The following CX3CR1 variants were observed in gnomAD, a reference collection of about 807,000 sequenced individuals.
CX3CR1 encodes C-X3-C motif chemokine receptor 1.
For synonymous variants in CX3CR1, 168 were observed against 178.5 expected (o/e 0.94, Z 0.47); for missense variants, 363 against 432.4 (o/e 0.84, Z 1.42).
intron 1 of CX3CR1, among the ~76,000 whole-genome samples, chr3:39,269,892 T>C (rs1245914352): frequency 1.6e-4 from 25 of 152,242 alleles, no homozygotes; most frequent in Admixed American, 1.6e-3. Flanking sequence ...GCAGTACCAA[T>C]ATCGCTTTCT....
intron 1 of CX3CR1, among the ~76,000 whole-genome samples, chr3:39,276,778 T>C (rs6784065): frequency 2.0e-3 from 307 of 152,306 alleles, no homozygotes; most frequent in African/African-American, 6.8e-3. Context: ...TGAATCCAAA[T>C]ATGAAGATCA....
chr3:39,290,544 A>G, the CX3CR1 span, among the ~76,000 whole-genome samples: 1 of 152,214 alleles, frequency 6.6e-6, no homozygotes, highest in African/African-American at 2.4e-5. Flanking sequence ...TTCATTCACT[A>G]TGCCAAAGGG....
intron 1 of CX3CR1, among the ~76,000 whole-genome samples, chr3:39,267,306 C>G (rs1177937903): frequency 6.6e-6 from 1 of 152,118 alleles, no homozygotes; most frequent in Non-Finnish European, 1.5e-5. Context: ...TTGTTTCCAC[C>G]TTTTCCACCC....
chr3:39,266,887 G>T (rs534336482), intron 1 of CX3CR1, among the ~76,000 whole-genome samples: 1 of 152,112 alleles, frequency 6.6e-6, no homozygotes, highest in African/African-American at 2.4e-5. Context: ...GGGTTCAAGC[G>T]ATTCTCCTGC....
the CX3CR1 span, among the ~76,000 whole-genome samples, chr3:39,291,029 A>G: frequency 0.017 from 2,582 of 152,112 alleles, 67 homozygotes; most frequent in African/African-American, 0.058. Context: ...CATTTGCTGA[A>G]CACCAGATGA....
At chr3:39,290,374 G>A in the CX3CR1 span, among the ~76,000 whole-genome samples, 3 of 152,190 alleles carry the variant, frequency 2.0e-5, no homozygotes, top group African/African-American at 7.2e-5. Context: ...GTTGTGGAGT[G>A]GTCTTCTTTG....
At position 39,265,630 on chromosome 3, in the gene CX3CR1, C is replaced by T. The variant is rs757876307; in HGVS notation, c.880G>A (p.Ala294Thr). 3.1e-6 allele frequency: 5 copies of T among 1,614,186 alleles called. No individual in the cohort carries two copies. Among genetic ancestry groups the T allele is most frequent in the Non-Finnish European group, 3.4e-6 (4 of 1,180,034 alleles). Reference sequence around the variant, plus strand: ...CTTCTGAACTTCTCCCCAGCAAATGCATAGATGAGAGGATTCAGGCAACAA... The same window carrying T: ...CTTCTGAACTTCTCCCCAGCAAATGTATAGATGAGAGGATTCAGGCAACAA... ...SHCCLNPLIY[A>T]FAGEKFRRYL... The change falls in exon 2 of 2, where the codon GCA (alanine) becomes ACA (threonine). Residue 294 changes from alanine to threonine, a missense_variant. Physicochemically the swap from Ala to Thr is moderately conservative, Grantham distance 58. Coordinates refer to ENST00000399220, the MANE Select transcript of CX3CR1 (RefSeq NM_001337.4).
chr3:39,265,514 G>T lies in CX3CR1; in HGVS notation c.996C>A (p.Ser332Arg), dbSNP rs1339964279. The stretch of plus-strand genomic sequence containing the variant: ...TGCTGCTCAGAACACTTCCATGCCT[G>T]CTCCTTTGTGATTCAGATGAGGAGA... ...VDFSSSESQR[S>R]RHGSVLSSNF... Residue 332 changes from serine (S) to arginine (R), a missense_variant, in exon 2 of 2, where the codon AGC (serine) becomes AGA (arginine). Transcript: ENST00000399220. The T allele has an allele frequency of 6.2e-7, 1 of 1,614,120 alleles. No homozygotes were observed.
the CX3CR1 span, among the ~76,000 whole-genome samples, chr3:39,292,031 C>T: frequency 4.6e-5 from 7 of 152,198 alleles, no homozygotes; most frequent in Non-Finnish European, 8.8e-5. Flanking sequence ...AGGGGCGCCC[C>T]CTTGTGGTAA....
chr3:39,283,266 G>A (rs1452374017), upstream of CX3CR1, among the ~76,000 whole-genome samples: 1 of 152,116 alleles, frequency 6.6e-6, no homozygotes, highest in African/African-American at 2.4e-5. Context: ...ACTTGTACAA[G>A]ACCACACAGC....
At chr3:39,272,450 T>C (rs1182806556) in intron 1 of CX3CR1, among the ~76,000 whole-genome samples, 2 of 152,140 alleles carry the variant, frequency 1.3e-5, no homozygotes, top group Non-Finnish European at 2.9e-5. Context: ...TTTTTTAACT[T>C]TTTAGGGGAG....
At chr3:39,284,818 A>G (rs1161294853), upstream of CX3CR1, among the ~76,000 whole-genome samples, 1 of 152,208 alleles carries the variant, frequency 6.6e-6, no homozygotes, top group Non-Finnish European at 1.5e-5. Flanking sequence ...AGATGCAGGC[A>G]GGGAACAGCA....
intron 1 of CX3CR1, among the ~76,000 whole-genome samples, chr3:39,277,060 C>CAAA (rs2040847927): frequency 6.6e-6 from 1 of 152,138 alleles, no homozygotes; most frequent in South Asian, 2.1e-4. Context: ...CAAAATACAA[C>CAAA]ACACTGAAAA....
At chr3:39,271,968 T>A (rs926376228) in intron 1 of CX3CR1, among the ~76,000 whole-genome samples, 1 of 152,128 alleles carries the variant, frequency 6.6e-6, no homozygotes, top group East Asian at 1.9e-4. Context: ...GCCCTCAGGG[T>A]GGTCAAAGGC....
At chr3:39,281,496 C>T (rs2040898915), upstream of CX3CR1, 6 of 946,830 alleles carry the variant, frequency 6.3e-6, no homozygotes, top group Admixed American at 1.3e-4. Context: ...CACCCCACAT[C>T]AGTAATCCCC....
chr3:39,281,730 C>T (rs146251729), upstream of CX3CR1: 193 of 1,494,996 alleles, frequency 1.3e-4, 1 homozygote, highest in Non-Finnish European at 1.6e-4. Context: ...AAGCACGGCC[C>T]GCCCCTTCTC....
Position 39,265,177 on chromosome 3 carries a change from G to A in CX3CR1, c.*265C>T. ...CCCTCATTTAACTAAACTAGTCTGA[G>A]TTGAATTTTTGTCATCTGCAAACCA... On this transcript the variant is annotated 3_prime_UTR_variant, in exon 2 of 2. Coordinates refer to ENST00000399220, the MANE Select transcript of CX3CR1 (RefSeq NM_001337.4). The A allele has an allele frequency of 2.4e-6, 1 of 410,014 alleles. No homozygotes were observed. 25.4% of individuals were successfully genotyped at this position (410,014 alleles called of 1,614,324 possible).
chr3:39,279,906 C>T (rs1253505458), intron 1 of CX3CR1, 48 bp downstream of exon 1: 36 of 872,718 alleles, frequency 4.1e-5, no homozygotes, highest in East Asian at 1.2e-4. Flanking sequence ...ATTAGCTGTC[C>T]ACTGCTCCAC....
rs554547951 is a variant in CX3CR1, at chr3:39,274,640, CTG to C, written c.-10+5312_-10+5313del. ...ATTTATTTATTTATGTCAAAGTAAA[CTG>C]TGAAATTTTGAAGGGAAATACTTCA... is the stretch of plus-strand genomic sequence containing the variant. On this transcript the variant is annotated intron_variant, in intron 1 of 1. Coordinates refer to ENST00000399220, the MANE Select transcript of CX3CR1 (RefSeq NM_001337.4). Among the ~76,000 whole-genome samples, 205 of 151,986 alleles carry C rather than the reference CTG, an allele frequency of 1.3e-3. 1 individual carries two copies. Among genetic ancestry groups the C allele is most frequent in the African/African-American group, 4.7e-3 (196 of 41,446 alleles).
Sources: allele counts gnomAD v4.1 joint callset (sites outside exome capture counted in the v4.1 genomes callset), GRCh38; gene constraint gnomAD v4.1.1; transcripts MANE v1.5; gene names NCBI Gene and HGNC (gene_info 2026-07-23, HGNC 2026-07-21).